Variants in DRP2 observed in about 807,000 individuals in gnomAD.
DRP2 encodes the protein dystrophin-related protein 2.
DRP2 carries 29 observed loss-of-function variants against 78.2 expected under a neutral mutation model. The ratio of observed to expected loss-of-function variants is 0.37; its 90% CI spans 0.28 to 0.51. The LOEUF (loss-of-function observed/expected upper bound fraction) is 0.51, where lower values mean the gene tolerates loss of function less well. DRP2 is among the 20% of genes least tolerant of loss of function. The pLI is 0.94. For synonymous variants in DRP2, 290 were observed against 281.9 expected (o/e 1.03, Z -0.29); for missense variants, 686 against 770.6 (o/e 0.89, Z 1.30).
Position 101,254,874 on chromosome X carries a change from G to A in DRP2, c.2130G>A (p.Pro710=), listed in dbSNP as rs767379346. The A allele has an allele frequency of 4.1e-6, 5 of 1,211,822 alleles. No homozygotes were observed. Among genetic ancestry groups the A allele is most frequent in the Non-Finnish European group, 5.6e-6 (5 of 895,549 alleles). Residue 710 remains proline, a synonymous_variant, in exon 19 of 24, where the codon CCG becomes CCA. Coordinates refer to ENST00000395209, the MANE Select transcript of DRP2 (RefSeq NM_001939.3). ...TTTCTTCTAGGCCGGCTTCTTCCCC[G>A]ATGTGGCCACACGCCGACACACACT... ...ADYSETPASS[P]MWPHADTHSR...
chrX:101,257,876 G>A (rs753524792), intron 21 of DRP2, among the ~76,000 whole-genome samples: 3 of 111,251 alleles, frequency 2.7e-5, no homozygotes, highest in Non-Finnish European at 3.8e-5. Flanking sequence ...GGAGGATTGT[G>A]GAGAGAAGAG....
chrX:101,249,273 A>G (rs1923046072), intron 14 of DRP2, among the ~76,000 whole-genome samples: 1 of 112,399 alleles, frequency 8.9e-6, no homozygotes, highest in African/African-American at 3.2e-5. Context: ...GAAAGTACTG[A>G]TGAGAATAAT....
At chrX:101,223,871 T>G (rs1281120365) in intron 1 of DRP2, among the ~76,000 whole-genome samples, 1 of 112,043 alleles carries the variant, frequency 8.9e-6, no homozygotes, top group Non-Finnish European at 1.9e-5. Flanking sequence ...ATTTATTCAT[T>G]AAATCAGGTA....
chrX:101,232,122 T>C (rs1403830701), intron 3 of DRP2, among the ~76,000 whole-genome samples: 4 of 110,808 alleles, frequency 3.6e-5, no homozygotes, highest in African/African-American at 1.3e-4. Context: ...GGCTTCTCTG[T>C]GGCATGCCTT....
chrX:101,235,612 T>C (rs1299623089), intron 3 of DRP2, among the ~76,000 whole-genome samples: 1 of 112,421 alleles, frequency 8.9e-6, no homozygotes, highest in Non-Finnish European at 1.9e-5. Flanking sequence ...CCAAAATTTA[T>C]AATCATGAGT....
At chrX:101,241,963 A>T in intron 7 of DRP2, 27 bp downstream of exon 7, 1 of 1,153,321 alleles carries the variant, frequency 8.7e-7, no homozygotes, top group Non-Finnish European at 1.2e-6. Flanking sequence ...CCCTGACTAC[A>T]GTCTACCCTG....
intron 13 of DRP2, 60 bp downstream of exon 13, chrX:101,248,350 G>A (rs915100730): frequency 2.1e-5 from 24 of 1,152,188 alleles, no homozygotes; most frequent in Non-Finnish European, 2.7e-5. Flanking sequence ...TCTCAAGTGG[G>A]CCTGGTGGGA....
chrX:101,238,137 G>A (rs1922578603), intron 5 of DRP2, among the ~76,000 whole-genome samples: 1 of 111,700 alleles, frequency 9.0e-6, no homozygotes, highest in South Asian at 3.7e-4. Flanking sequence ...TAACAGCATA[G>A]GAAGGAACTA....
At chrX:101,237,525 A>G (rs1414326632) in intron 4 of DRP2, 94 bp from the exon 5 acceptor site, 3 of 925,818 alleles carry the variant, frequency 3.2e-6, no homozygotes, top group Non-Finnish European at 4.2e-6. Flanking sequence ...TTTGTTTTCT[A>G]TATTAAAGTT....
chrX:101,250,769 C>T, intron 15 of DRP2, 148 bp from the exon 16 acceptor site: 2 of 925,852 alleles, frequency 2.2e-6, no homozygotes, highest in African/African-American at 3.9e-5. Flanking sequence ...AGGGTGTCAG[C>T]TCAACTAGCA....
chrX:101,248,175 G>A lies in DRP2; in HGVS notation c.1339G>A (p.Val447Ile), dbSNP rs139552335. The A allele has an allele frequency of 1.8e-5, 22 of 1,209,755 alleles. 1 individual carries two copies. The African/African-American group carries it at 3.7e-4, about 20-fold the overall frequency. ...ASEHVMDVVE[V>I]IHCLTALYER... ...TGAGCACGTGATGGATGTGGTAGAG[G>A]TCATTCACTGCCTGACTGCCTTATA... The change falls in exon 13 of 24, where the codon GTC (valine) becomes ATC (isoleucine). Residue 447 changes from valine (V) to isoleucine (I), a missense_variant. Val to Ile is a conservative substitution (Grantham distance 29). Transcript: ENST00000395209.
intron 16 of DRP2, 32 bp from the exon 17 acceptor site, chrX:101,252,571 ACT>A (rs766386832): frequency 1.2e-5 from 14 of 1,146,202 alleles, no homozygotes; most frequent in East Asian, 3.0e-5. Context: ...GGCACGTTGG[ACT>A]CTCTTTCCTA....
intron 1 of DRP2, among the ~76,000 whole-genome samples, chrX:101,220,717 A>G (rs4439280): frequency 0.088 from 9,724 of 110,369 alleles, 887 homozygotes; most frequent in African/African-American, 0.27. Flanking sequence ...GCTGAAGTAA[A>G]CCAGGCTCTG....
chrX:101,233,854 A>G (rs759929513), intron 3 of DRP2, among the ~76,000 whole-genome samples: 11 of 111,809 alleles, frequency 9.8e-5, no homozygotes, highest in Non-Finnish European at 1.7e-4. Flanking sequence ...CGGGATGCCC[A>G]CTAACTATCC....
intron 6 of DRP2, among the ~76,000 whole-genome samples, chrX:101,240,777 G>C (rs1922689758): frequency 8.9e-6 from 1 of 112,145 alleles, no homozygotes; most frequent in South Asian, 3.7e-4. Context: ...GTTTATTTCT[G>C]GCCCTTCAAT....
chrX:101,241,894 T>C lies in DRP2; in HGVS notation c.786T>C (p.Asp262=), dbSNP rs1253382998. The change falls in exon 7 of 24, where the codon GAT becomes GAC. Residue 262 remains aspartate (D), a synonymous_variant. Coordinates refer to ENST00000395209, the MANE Select transcript of DRP2 (RefSeq NM_001939.3). ...GAGCCACTTGGGAGCCCATTGGGGA[T>C]CTCTTCATTGATTCACTCCCAGAGC... The part of the protein sequence containing the change: ...GVRATWEPIG[D]LFIDSLPEHI... 28 of 1,172,827 alleles carry C rather than the reference T, an allele frequency of 2.4e-5. No individual in the cohort carries two copies. The highest frequency in any genetic ancestry group is 3.2e-5 in the Non-Finnish European group (28 of 876,002).
intron 16 of DRP2, 88 bp downstream of exon 16, chrX:101,251,171 ATTAT>A: frequency 4.7e-6 from 4 of 852,161 alleles, no homozygotes; most frequent in Non-Finnish European, 6.5e-6. Flanking sequence ...GTGTCACCTA[ATTAT>A]TATATAATTA....
At chrX:101,255,342 GGTGTGTGGTGGTTAGGA>G in intron 20 of DRP2, 93 bp downstream of exon 20, 1 of 909,978 alleles carries the variant, frequency 1.1e-6, no homozygotes, top group East Asian at 3.1e-5. Context: ...AGGGAATGGG[GGTGTGTGGTGGTTAGGA>G]TCCTTAGCTC....
intron 16 of DRP2, 22 bp from the exon 17 acceptor site, chrX:101,252,583 A>G: frequency 8.4e-7 from 1 of 1,189,335 alleles, no homozygotes; most frequent in African/African-American, 1.7e-5. Context: ...TCTCTTTCCT[A>G]CTACATCTCC....
Sources: gnomAD v4.1 joint callset for allele counts (sites outside exome capture counted in the v4.1 genomes callset) on GRCh38, gnomAD v4.1.1 for gene constraint, MANE v1.5 for transcripts, NCBI Gene and HGNC (gene_info 2026-07-23, HGNC 2026-07-21) for gene names.